TENM2: variants seen among roughly 807,000 people sequenced by gnomAD.
TENM2 encodes teneurin-2.
Under a neutral mutation model 245.2 loss-of-function variants are expected in TENM2, and 52 were observed. The ratio of observed to expected loss-of-function variants is 0.21; its 90% CI spans 0.17 to 0.27. The LOEUF (loss-of-function observed/expected upper bound fraction) is 0.27. Among genes scored for constraint, TENM2 ranks in the 10% least tolerant of loss-of-function variants. The pLI, the probability that TENM2 is intolerant of heterozygous loss-of-function variation, is 1.00. For synonymous variants in TENM2, 1,363 were observed against 1,438.9 expected, an observed-to-expected ratio of 0.95 and a Z score of 1.19; for missense variants, 3,046 against 3,666.8, an observed-to-expected ratio of 0.83 and a Z score of 4.37.
intron 2 of TENM2, among the ~76,000 whole-genome samples, chr5:167,819,555 C>G (rs929091934): frequency 1.3e-5 from 2 of 152,180 alleles, no homozygotes; most frequent in African/African-American, 4.8e-5. Flanking sequence ...GTCACCTCTG[C>G]CTGCCAAGCA....
the TENM2 span, among the ~76,000 whole-genome samples, chr5:167,044,036 A>AGGAAGGAAGGAAGGAAGGAAG: frequency 2.6e-3 from 337 of 128,594 alleles, 15 homozygotes; most frequent in Non-Finnish European, 2.6e-3. Flanking sequence ...TAGTAAGGAC[A>AGGAAGGAAGGAAGGAAGGAAG]GAAGGAAGGA....
intron 1 of TENM2, among the ~76,000 whole-genome samples, chr5:167,373,175 C>G (rs752901143): frequency 6.6e-6 from 1 of 152,166 alleles, no homozygotes; most frequent in South Asian, 2.1e-4. Context: ...TTTACACAAC[C>G]AAATTAGGCT....
chr5:167,906,465 C>T (rs2151546548), intron 3 of TENM2, among the ~76,000 whole-genome samples: 1 of 152,284 alleles, frequency 6.6e-6, no homozygotes. Flanking sequence ...CTGAGAAAGG[C>T]ACCAACCCTG....
intron 2 of TENM2, among the ~76,000 whole-genome samples, chr5:167,483,461 AAG>A (rs1329292368): frequency 6.6e-6 from 1 of 152,210 alleles, no homozygotes; most frequent in African/African-American, 2.4e-5. Flanking sequence ...AGAGCAAAAA[AAG>A]AGTTTAAATG....
intron 5 of TENM2, among the ~76,000 whole-genome samples, chr5:168,024,776 G>T (rs1310089626): frequency 2.0e-5 from 3 of 152,208 alleles, no homozygotes; most frequent in African/African-American, 7.2e-5. Context: ...CACTCGCCAG[G>T]CTGGGAAAGA....
At chr5:168,254,154 G>A (rs568637776) in intron 27 of TENM2, among the ~76,000 whole-genome samples, 27 of 152,364 alleles carry the variant, frequency 1.8e-4, no homozygotes, top group African/African-American at 6.5e-4. Flanking sequence ...GCGCTTTGGC[G>A]GTGGATAATC....
At chr5:167,911,722 T>C (rs1006843298) in intron 3 of TENM2, among the ~76,000 whole-genome samples, 1 of 152,162 alleles carries the variant, frequency 6.6e-6, no homozygotes, top group Non-Finnish European at 1.5e-5. Context: ...ACGCAGCGAA[T>C]ATTTATTGGT....
At chr5:167,435,980 T>C (rs1417876979) in intron 2 of TENM2, among the ~76,000 whole-genome samples, 44 of 144,074 alleles carry the variant, frequency 3.1e-4, no homozygotes, top group African/African-American at 4.7e-4. Context: ...TTTTTCTTTT[T>C]TTTTTTTTTT....
At chr5:167,448,987 GA>G (rs1033947933) in intron 2 of TENM2, among the ~76,000 whole-genome samples, 1 of 151,744 alleles carries the variant, frequency 6.6e-6, no homozygotes, top group African/African-American at 2.4e-5. Flanking sequence ...ACCTATAAAG[GA>G]ATTTTAGTTG....
At chr5:167,468,072 G>T (rs1474282277) in intron 2 of TENM2, among the ~76,000 whole-genome samples, 6 of 152,168 alleles carry the variant, frequency 3.9e-5, no homozygotes, top group Admixed American at 3.3e-4. Flanking sequence ...GAGTAGCTGG[G>T]ATTACAGGTG....
intron 1 of TENM2, among the ~76,000 whole-genome samples, chr5:167,358,783 G>A (rs1040299953): frequency 4.1e-5 from 6 of 145,460 alleles, no homozygotes; most frequent in African/African-American, 7.7e-5. Flanking sequence ...TCAACATCTC[G>A]AAGACTGAAA....
the TENM2 span, among the ~76,000 whole-genome samples, chr5:167,187,037 T>C: frequency 6.6e-6 from 1 of 152,178 alleles, no homozygotes; most frequent in African/African-American, 2.4e-5. Flanking sequence ...GACACACAGT[T>C]GTCATTCAAT....
chr5:167,925,794 T>C (rs576358926), intron 3 of TENM2, among the ~76,000 whole-genome samples: 1 of 152,338 alleles, frequency 6.6e-6, no homozygotes, highest in South Asian at 2.1e-4. Flanking sequence ...CAAGATCACG[T>C]CTTTTGCAGG....
At chr5:167,004,288 G>T in the TENM2 span, among the ~76,000 whole-genome samples, 2 of 152,102 alleles carry the variant, frequency 1.3e-5, no homozygotes, top group Non-Finnish European at 2.9e-5. Flanking sequence ...ATATAAAATT[G>T]CACTAGATCT....
chr5:167,147,746 C>T, the TENM2 span, among the ~76,000 whole-genome samples: 1 of 152,048 alleles, frequency 6.6e-6, no homozygotes, highest in Non-Finnish European at 1.5e-5. Flanking sequence ...TGACATTATT[C>T]CTACCTTGAT....
intron 2 of TENM2, among the ~76,000 whole-genome samples, chr5:167,482,491 C>T (rs1767816178): frequency 6.6e-6 from 1 of 152,166 alleles, no homozygotes; most frequent in Non-Finnish European, 1.5e-5. Context: ...GCCCAACCTT[C>T]AGATTTTTTT....
chr5:168,091,964 A>G (rs1435365005), intron 8 of TENM2, among the ~76,000 whole-genome samples: 1 of 152,228 alleles, frequency 6.6e-6, no homozygotes, highest in Non-Finnish European at 1.5e-5. Context: ...TGTGAGTATC[A>G]TGACAAATAA....
chr5:167,942,259 T>G (rs114463930), intron 3 of TENM2, among the ~76,000 whole-genome samples: 1 of 152,298 alleles, frequency 6.6e-6, no homozygotes, highest in African/African-American at 2.4e-5. Flanking sequence ...TGAAAATAAA[T>G]GCTGACATTT....
chr5:167,296,669 T>C (rs1244746418), intron 1 of TENM2: 1 of 152,228 alleles, frequency 6.6e-6, no homozygotes, highest in Non-Finnish European at 1.5e-5. Flanking sequence ...CCAACAGCTG[T>C]CAAAAGACCC....
Sources: gnomAD v4.1 joint callset for allele counts (sites outside exome capture counted in the v4.1 genomes callset) on GRCh38, gnomAD v4.1.1 for gene constraint, MANE v1.5 for transcripts, NCBI Gene and HGNC (gene_info 2026-07-23, HGNC 2026-07-21) for gene names.